The following ADGRV1 variants were observed in gnomAD, a reference collection of about 807,000 sequenced individuals.
The protein encoded by ADGRV1 is adhesion G protein-coupled receptor V1, also known as G-protein coupled receptor 98.
In ADGRV1, 359 loss-of-function variants were observed where a neutral mutation model predicts 596.2. The ratio of observed to expected loss-of-function variants is 0.60; its 90% CI spans 0.55 to 0.66. The LOEUF (loss-of-function observed/expected upper bound fraction) is 0.66. ADGRV1 is among the 30% of genes least tolerant of loss of function. The pLI is 0.00. For missense variants in ADGRV1, 7,274 were observed against 7,575.6 expected (o/e 0.96, Z 1.48); for synonymous variants, 2,681 against 2,679.2 (o/e 1.00, Z -0.02).
chr5:90,691,196 G>A (rs1746423635), intron 31 of ADGRV1, 155 bp downstream of exon 31: 4 of 959,668 alleles, frequency 4.2e-6, no homozygotes, highest in Non-Finnish European at 6.6e-6. Context: ...GATCCTTACA[G>A]TTGACAAAAG....
Position 90,805,268 on chromosome 5 carries a change from C to G in ADGRV1, c.14662-16C>G. 6.2e-7 allele frequency: 1 copy of G among 1,603,662 alleles called. No individual in the cohort carries two copies. Among genetic ancestry groups the G allele is most frequent in the South Asian group, 1.1e-5 (1 of 90,374 alleles). ...TTAGAGAGAAATAAAATACTCTAAG[C>G]ATGATTTTCCCTCAGGTCGGATTTG... On this transcript the variant is annotated splice_polypyrimidine_tract_variant and intron_variant, in intron 71 of 89. Transcript: ENST00000405460.
At chr5:90,974,610 T>A (rs888799758) in intron 84 of ADGRV1, among the ~76,000 whole-genome samples, 11 of 152,214 alleles carry the variant, frequency 7.2e-5, no homozygotes, top group Non-Finnish European at 8.8e-5. Context: ...AAGGATTCCC[T>A]ATTTAATAAA....
chr5:91,125,265 T>C (rs1793651139), intron 87 of ADGRV1, among the ~76,000 whole-genome samples: 1 of 152,224 alleles, frequency 6.6e-6, no homozygotes, highest in South Asian at 2.1e-4. Flanking sequence ...TAAACTCTGC[T>C]GCTGACATGG....
At position 90,724,981 on chromosome 5, in the gene ADGRV1, C is replaced by A; in HGVS notation, c.9898C>A (p.Pro3300Thr). Residue 3300 changes from proline (P) to threonine (T), a missense_variant, in exon 46 of 90, where the codon CCA (proline) becomes ACA (threonine). Physicochemically the swap from Pro to Thr is conservative, Grantham distance 38. This residue lies in a region of ADGRV1 where 3,643 missense variants were observed against 3,809.2 expected (regional missense o/e 0.96). Transcript: ENST00000405460. ...TTACCGATGGCAGGGGATTTTTATT[C>A]CAGTTGAGGTAAACATCAGTATTTT... is the stretch of plus-strand genomic sequence containing the variant. ...TVYRWQGIFIPVEDLNIENPK... is the reference protein window; with the variant it reads ...TVYRWQGIFITVEDLNIENPK... 6.3e-7 allele frequency: 1 copy of A among 1,596,262 alleles called. No homozygotes were observed. Among genetic ancestry groups the A allele is most frequent in the South Asian group, 1.2e-5 (1 of 86,268 alleles).
chr5:91,148,408 G>T (rs1795738715), intron 87 of ADGRV1, among the ~76,000 whole-genome samples: 1 of 152,170 alleles, frequency 6.6e-6, no homozygotes, highest in Non-Finnish European at 1.5e-5. Flanking sequence ...GACTCTAAGG[G>T]GCTAAGGTAC....
chr5:90,949,555 G>A (rs1485810805), intron 83 of ADGRV1, among the ~76,000 whole-genome samples: 1 of 152,158 alleles, frequency 6.6e-6, no homozygotes, highest in Non-Finnish European at 1.5e-5. Flanking sequence ...GATGTTAGAG[G>A]TAATAAATGG....
At chr5:91,142,194 C>G (rs575178364) in intron 87 of ADGRV1, among the ~76,000 whole-genome samples, 17 of 152,264 alleles carry the variant, frequency 1.1e-4, no homozygotes, top group African/African-American at 4.1e-4. Flanking sequence ...CTCTGTCCCT[C>G]TGATGAAATT....
In ADGRV1 at chr5:90,890,822, C is replaced by T. The variant is rs183835444; in HGVS notation, c.17856+26965C>T. Reference sequence around the variant, plus strand: ...TGCCATGTAAATTACTGTTTATCCTCATCTTCTTCAACACTTCGTGTCATC... The same window carrying T: ...TGCCATGTAAATTACTGTTTATCCTTATCTTCTTCAACACTTCGTGTCATC... On this transcript the variant is annotated intron_variant, in intron 83 of 89. Transcript: ENST00000405460. 4.6e-5 allele frequency among the ~76,000 whole-genome samples: 7 copies of T among 152,274 alleles called. No homozygotes were observed. The East Asian group carries it at 1.2e-3, about 25-fold the overall frequency.
rs575420106 is a variant in ADGRV1, at chr5:90,946,524, T to C, written c.17857-18891T>C. 2.0e-4 allele frequency among the ~76,000 whole-genome samples: 31 copies of C among 152,226 alleles called. 1 individual carries two copies. Among genetic ancestry groups the C allele is most frequent in the African/African-American group, 7.2e-4 (30 of 41,528 alleles). On this transcript the variant is annotated intron_variant, in intron 83 of 89. Coordinates refer to ENST00000405460, the MANE Select transcript of ADGRV1 (RefSeq NM_032119.4). ...TAGGTTTGTTACGTAGGTAAACGTGTGCTATGGTGGTTTGCTACACTTATC... is the reference window on the plus strand; with the variant it reads ...TAGGTTTGTTACGTAGGTAAACGTGCGCTATGGTGGTTTGCTACACTTATC...
rs59090796 is a variant in ADGRV1 at position 90,721,513 on chromosome 5, A to ATTAAATTAAATTAAATTAAATTAAAT, written c.9748+455_9748+456insTAAATTAAATTAAATTAAATTAAATT. Among the ~76,000 whole-genome samples, 4 of 100,042 alleles carry ATTAAATTAAATTAAATTAAATTAAAT rather than the reference A, an allele frequency of 4.0e-5. No homozygotes were observed. The East Asian group carries it at 8.3e-4, about 21-fold the overall frequency. The allele number at this position is 100,042 out of a possible 152,430, so 65.6% of individuals were successfully genotyped here. A position where few individuals can be genotyped will look rare whatever the true frequency, so the allele number is the denominator to read the frequency against. On this transcript the variant is annotated intron_variant, in intron 45 of 89. Coordinates refer to ENST00000405460, the MANE Select transcript of ADGRV1 (RefSeq NM_032119.4). ...AGCAAGACTTGGTCTAAAAAATAAA[A>ATTAAATTAAATTAAATTAAATTAAAT]TAAAATAAAATAAAAATAAAAATAA... is the stretch of plus-strand genomic sequence containing the variant.
intron 59 of ADGRV1, among the ~76,000 whole-genome samples, chr5:90,771,976 C>T (rs145019153): frequency 3.4e-3 from 524 of 152,280 alleles, no homozygotes; most frequent in African/African-American, 0.012. Flanking sequence ...CTTTCGTAAC[C>T]ATTGGCTGGG....
chr5:91,004,065 G>A (rs1262337953), intron 85 of ADGRV1, among the ~76,000 whole-genome samples: 2 of 152,114 alleles, frequency 1.3e-5, no homozygotes, highest in Non-Finnish European at 2.9e-5. Context: ...AGATGTTACA[G>A]TATTAGAAAA....
At chr5:90,996,304 C>G (rs1383253382) in intron 85 of ADGRV1, among the ~76,000 whole-genome samples, 1 of 152,100 alleles carries the variant, frequency 6.6e-6, no homozygotes, top group Non-Finnish European at 1.5e-5. Context: ...GACATGATAC[C>G]CTGCATCCCA....
chr5:90,651,554 A>G, intron 17 of ADGRV1, 50 bp from the exon 18 acceptor site: 1 of 1,366,640 alleles, frequency 7.3e-7, no homozygotes, highest in Non-Finnish European at 9.9e-7. Flanking sequence ...TAAATTTTAC[A>G]GCAAGTTAGC....
In ADGRV1 at chr5:90,854,167, T is replaced by C. The variant is rs1247081438; in HGVS notation, c.17560T>C (p.Ser5854Pro). The C allele has an allele frequency of 1.9e-6, 3 of 1,554,454 alleles. No individual in the cohort carries two copies. Among genetic ancestry groups the C allele is most frequent in the Non-Finnish European group, 2.6e-6 (3 of 1,147,884 alleles). The stretch of plus-strand genomic sequence containing the variant: ...TGAGCCTAGAATTATTCCTCAGACA[T>C]CTCTGTGTCTCCTTTGGAATCAGGC... ...AAEPRIIPQT[S>P]LCLLWNQAAA... Residue 5854 changes from serine to proline, a missense_variant, in exon 81 of 90, where the codon TCT becomes CCT. By Grantham distance (74) the Ser-to-Pro change is moderately conservative (BLOSUM62 -1). Around this residue, in one of 5 missense-constraint regions of ADGRV1, gnomAD observed 1,874 missense variants for 1,970.2 expected, o/e 0.95. Transcript: ENST00000405460.
chr5:90,798,356 C>T (rs1205478694), intron 70 of ADGRV1, among the ~76,000 whole-genome samples: 3 of 151,894 alleles, frequency 2.0e-5, no homozygotes, highest in Non-Finnish European at 4.4e-5. Flanking sequence ...ACACATACAC[C>T]CTCCCAAGAC....
intron 2 of ADGRV1, 98 bp downstream of exon 2, chr5:90,615,117 G>T (rs755131015): frequency 4.4e-6 from 3 of 688,754 alleles, no homozygotes; most frequent in African/African-American, 1.8e-5. Flanking sequence ...ATTTTGAGCA[G>T]TTTCATTATG....
chr5:91,041,369 A>G (rs1227759764), intron 85 of ADGRV1, among the ~76,000 whole-genome samples: 1 of 152,278 alleles, frequency 6.6e-6, no homozygotes, highest in East Asian at 1.9e-4. Context: ...TATCATTCTC[A>G]GCAAACTAAT....
intron 59 of ADGRV1, among the ~76,000 whole-genome samples, chr5:90,771,477 T>A (rs115346433): frequency 6.6e-6 from 1 of 152,308 alleles, no homozygotes; most frequent in Non-Finnish European, 1.5e-5. Context: ...CTAACCAATT[T>A]ACAGACATTT....
Sources: allele counts gnomAD v4.1 joint callset (sites outside exome capture counted in the v4.1 genomes callset), GRCh38; gene constraint gnomAD v4.1.1; regional missense constraint gnomAD v4.1.1; transcripts MANE v1.5; gene names NCBI Gene and HGNC (gene_info 2026-07-23, HGNC 2026-07-21).